ADARB2: variants seen among roughly 807,000 people sequenced by gnomAD.
ADARB2 encodes the protein inactive double-stranded RNA-specific editase B2.
Under a neutral mutation model 62.2 loss-of-function variants are expected in ADARB2, and 25 were observed. The observed-to-expected ratio is 0.40, with a 90% CI of 0.29 to 0.56. The LOEUF is 0.56. Ranked by LOEUF, ADARB2 falls within the 20% of genes least tolerant of loss-of-function variation. ADARB2 has a pLI of 0.43. For missense variants in ADARB2, 1,071 were observed against 1,077.4 expected, an observed-to-expected ratio of 0.99 and a Z score of 0.08; for synonymous variants, 572 against 500.8, an observed-to-expected ratio of 1.14 and a Z score of -1.90.
chr10:1,458,168 C>G (rs1171531927), intron 1 of ADARB2, among the ~76,000 whole-genome samples: 2 of 152,188 alleles, frequency 1.3e-5, no homozygotes, highest in Non-Finnish European at 2.9e-5. Flanking sequence ...GGTGAACCCT[C>G]TCTAGGCACG....
chr10:1,452,369 C>A (rs1021397058), intron 1 of ADARB2, among the ~76,000 whole-genome samples: 4 of 152,246 alleles, frequency 2.6e-5, no homozygotes, highest in East Asian at 1.9e-4. Flanking sequence ...AAAAAAACTT[C>A]TTGGTTTTCT....
chr10:1,419,469 G>C (rs1422277516), intron 1 of ADARB2, among the ~76,000 whole-genome samples: 1 of 152,186 alleles, frequency 6.6e-6, no homozygotes, highest in East Asian at 1.9e-4. Context: ...ATCCATATGA[G>C]AAGTTTATCT....
intron 3 of ADARB2, among the ~76,000 whole-genome samples, chr10:1,346,740 G>A (rs985570223): frequency 1.3e-5 from 2 of 152,236 alleles, no homozygotes; most frequent in African/African-American, 4.8e-5. Context: ...AGCAGGCCGG[G>A]AGCCAGGCCC....
At chr10:1,661,973 G>A (rs755115190) in intron 1 of ADARB2, among the ~76,000 whole-genome samples, 35 of 152,132 alleles carry the variant, frequency 2.3e-4, no homozygotes, top group Admixed American at 2.0e-3. Context: ...AGCGGCAGAC[G>A]CTCTGACAGA....
intron 1 of ADARB2, among the ~76,000 whole-genome samples, chr10:1,693,850 A>C (rs1306949135): frequency 6.6e-6 from 1 of 152,226 alleles, no homozygotes; most frequent in Non-Finnish European, 1.5e-5. Flanking sequence ...TCCTTTAAAT[A>C]ATCAATTAGG....
At chr10:1,578,294 T>C (rs1833048739) in intron 1 of ADARB2, among the ~76,000 whole-genome samples, 1 of 152,238 alleles carries the variant, frequency 6.6e-6, no homozygotes. Context: ...CTGTTTTGAA[T>C]ACACATTTAA....
intron 1 of ADARB2, among the ~76,000 whole-genome samples, chr10:1,565,275 CTTA>C (rs997161969): frequency 2.0e-5 from 3 of 152,204 alleles, no homozygotes; most frequent in African/African-American, 7.2e-5. Context: ...CAAGAAACCT[CTTA>C]TTGTGTCTTT....
chr10:1,538,000 T>A (rs893706529), intron 1 of ADARB2, among the ~76,000 whole-genome samples: 12 of 152,298 alleles, frequency 7.9e-5, no homozygotes, highest in East Asian at 1.9e-4. Context: ...TTGCTTTTTT[T>A]AAAAAATTGA....
chr10:1,556,276 T>TTA (rs1554771507), intron 1 of ADARB2, among the ~76,000 whole-genome samples: 4 of 128,132 alleles, frequency 3.1e-5, no homozygotes, highest in South Asian at 2.5e-4. Flanking sequence ...TTTTTTTTTT[T>TTA]AAATTTCTTT....
intron 1 of ADARB2, among the ~76,000 whole-genome samples, chr10:1,735,595 A>G (rs546406960): frequency 4.6e-5 from 7 of 152,334 alleles, no homozygotes; most frequent in South Asian, 2.1e-4. Flanking sequence ...CTCAATATCA[A>G]TGCCACTTTG....
intron 3 of ADARB2, among the ~76,000 whole-genome samples, chr10:1,301,558 T>TTC (rs202169160): frequency 3.1e-4 from 24 of 78,164 alleles, no homozygotes; most frequent in Non-Finnish European, 5.5e-4. Flanking sequence ...TGCTTCTCTC[T>TTC]TCTCTCTCTC....
intron 3 of ADARB2, among the ~76,000 whole-genome samples, chr10:1,275,472 C>T (rs1831306357): frequency 6.6e-6 from 1 of 152,210 alleles, no homozygotes; most frequent in South Asian, 2.1e-4. Context: ...CAGGTCCACA[C>T]ATTCCCGACT....
At chr10:1,692,003 G>A (rs1418004813) in intron 1 of ADARB2, among the ~76,000 whole-genome samples, 5 of 152,164 alleles carry the variant, frequency 3.3e-5, no homozygotes, top group Non-Finnish European at 5.9e-5. Context: ...TGTCTTCAGC[G>A]CTCGCTGCTG....
At chr10:1,220,352 GTGATGA>G (rs1830682855) in intron 6 of ADARB2, among the ~76,000 whole-genome samples, 2 of 124,180 alleles carry the variant, frequency 1.6e-5, no homozygotes, top group South Asian at 2.8e-4. Context: ...GGTGATTGTG[GTGATGA>G]TGGTGATGAT....
At position 1,510,110 on chromosome 10, in the gene ADARB2, C is replaced by CTCTCTCTCTTTCTT. The variant is rs1554767637; in HGVS notation, c.101-130951_101-130950insAAGAAAGAGAGAGA. ...CTCTCTCTCTCTTTTCTTTCTTTCT[C>CTCTCTCTCTTTCTT]TCTTTCTTTCTTTCTTTCTTTCTTT... is the stretch of plus-strand genomic sequence containing the variant. On this transcript the variant is annotated intron_variant, in intron 1 of 9. Coordinates refer to ENST00000381312, the MANE Select transcript of ADARB2 (RefSeq NM_018702.4). 7.5e-5 allele frequency among the ~76,000 whole-genome samples: 8 copies of CTCTCTCTCTTTCTT among 106,252 alleles called. No individual in the cohort carries two copies. In the South Asian group the frequency reaches 1.5e-3, roughly 20 times the overall value. The allele number at this position is 106,252 out of a possible 152,430, so 69.7% of individuals were successfully genotyped here. A position where few individuals can be genotyped will look rare whatever the true frequency, so the allele number is the denominator to read the frequency against.
intron 6 of ADARB2, among the ~76,000 whole-genome samples, chr10:1,229,053 G>T (rs957676350): frequency 2.0e-5 from 3 of 152,206 alleles, no homozygotes; most frequent in South Asian, 2.1e-4. Flanking sequence ...GACCCTGATA[G>T]ATAAGCCAGA....
At chr10:1,274,617 C>G (rs1589173950) in intron 3 of ADARB2, among the ~76,000 whole-genome samples, 1 of 152,192 alleles carries the variant, frequency 6.6e-6, no homozygotes, top group Admixed American at 6.5e-5. Context: ...CATGCAAACA[C>G]AGATTTCACT....
At chr10:1,692,166 A>G (rs755886720) in intron 1 of ADARB2, among the ~76,000 whole-genome samples, 4 of 152,216 alleles carry the variant, frequency 2.6e-5, no homozygotes, top group African/African-American at 4.8e-5. Flanking sequence ...TCTGAGGATT[A>G]GAGGTTAGAA....
At chr10:1,715,745 G>A (rs11250758) in intron 1 of ADARB2, among the ~76,000 whole-genome samples, 20,279 of 152,274 alleles carry the variant, frequency 0.13, 1,669 homozygotes, top group Non-Finnish European at 0.18. Context: ...CTCCTGGAGC[G>A]ACCAGCTGGT....
Sources: allele counts gnomAD v4.1 joint callset (sites outside exome capture counted in the v4.1 genomes callset), GRCh38; gene constraint gnomAD v4.1.1; transcripts MANE v1.5; gene names NCBI Gene and HGNC (gene_info 2026-07-23, HGNC 2026-07-21).